The following ZRANB3 variants were observed in gnomAD, a reference collection of about 807,000 sequenced individuals.
ZRANB3 encodes the protein zinc finger RANBP2-type containing 3, also known as DNA annealing helicase and endonuclease ZRANB3.
ZRANB3 carries 125 observed loss-of-function variants against 133.8 expected under a neutral mutation model. The observed-to-expected ratio is 0.93, with a 90% CI of 0.81 to 1.08. The LOEUF is 1.08. ZRANB3 is among the 50% of genes least tolerant of loss of function. The pLI is 0.00. For synonymous variants in ZRANB3, 387 were observed against 432.7 expected, an observed-to-expected ratio of 0.89 and a Z score of 1.31; for missense variants, 1,229 against 1,275.5, an observed-to-expected ratio of 0.96 and a Z score of 0.56.
intron 3 of ZRANB3, among the ~76,000 whole-genome samples, chr2:135,354,283 T>TGGTTATTTCATTC (rs1685334521): frequency 1.3e-5 from 2 of 152,198 alleles, no homozygotes; most frequent in African/African-American, 4.8e-5. Context: ...ATTTCAAAAC[T>TGGTTATTTCATTC]AGAGTAAGTC....
intron 2 of ZRANB3, among the ~76,000 whole-genome samples, chr2:135,479,684 A>G (rs1691674196): frequency 6.6e-6 from 1 of 151,600 alleles, no homozygotes; most frequent in Admixed American, 6.6e-5. Flanking sequence ...AAAAAAGGAC[A>G]CCTATTGATA....
At chr2:135,342,770 T>G (rs1400937873) in intron 6 of ZRANB3, among the ~76,000 whole-genome samples, 1 of 149,330 alleles carries the variant, frequency 6.7e-6, no homozygotes, top group Non-Finnish European at 1.5e-5. Flanking sequence ...CATGTGGTAG[T>G]GCTTTGGGAT....
chr2:135,405,393 C>A (rs1342653958), intron 2 of ZRANB3, among the ~76,000 whole-genome samples: 1 of 152,278 alleles, frequency 6.6e-6, no homozygotes, highest in South Asian at 2.1e-4. Context: ...ATGCCACTGT[C>A]AACATTAGAC....
At chr2:135,526,462 C>T (rs1444667322) in intron 1 of ZRANB3, among the ~76,000 whole-genome samples, 1 of 152,112 alleles carries the variant, frequency 6.6e-6, no homozygotes, top group East Asian at 1.9e-4. Context: ...ATGAGCCCAA[C>T]CTGATTTTTT....
At chr2:135,358,768 A>G (rs772662651) in intron 3 of ZRANB3, among the ~76,000 whole-genome samples, 1 of 152,156 alleles carries the variant, frequency 6.6e-6, no homozygotes, top group Non-Finnish European at 1.5e-5. Flanking sequence ...GATAAAATAA[A>G]GAGTCTCACT....
intron 12 of ZRANB3, among the ~76,000 whole-genome samples, chr2:135,242,044 G>C (rs1441769009): frequency 6.6e-6 from 1 of 152,014 alleles, no homozygotes; most frequent in Non-Finnish European, 1.5e-5. Flanking sequence ...GCTGGGCATG[G>C]TGCGCACGCC....
chr2:135,223,013 G>A (rs980752411), intron 15 of ZRANB3, among the ~76,000 whole-genome samples: 1 of 152,038 alleles, frequency 6.6e-6, no homozygotes, highest in African/African-American at 2.4e-5. Context: ...CCGCACTTCG[G>A]GAGGCTGAGG....
intron 12 of ZRANB3, among the ~76,000 whole-genome samples, chr2:135,240,973 T>C (rs563985594): frequency 1.2e-4 from 19 of 152,342 alleles, no homozygotes; most frequent in Non-Finnish European, 2.4e-4. Flanking sequence ...TTGCTTTCTT[T>C]TAGGGCTTTT....
intron 2 of ZRANB3, among the ~76,000 whole-genome samples, chr2:135,503,337 G>A (rs79425091): frequency 2.0e-5 from 3 of 152,196 alleles, no homozygotes; most frequent in African/African-American, 4.8e-5. Flanking sequence ...AGATAAATAC[G>A]TGATAGACCA....
chr2:135,269,746 T>C (rs1248100112), intron 10 of ZRANB3, among the ~76,000 whole-genome samples: 1 of 152,154 alleles, frequency 6.6e-6, no homozygotes, highest in Non-Finnish European at 1.5e-5. Context: ...AATCAATATA[T>C]GAAATAATGC....
chr2:135,317,118 C>A (rs896455359), intron 6 of ZRANB3, among the ~76,000 whole-genome samples: 3 of 151,496 alleles, frequency 2.0e-5, no homozygotes, highest in African/African-American at 7.3e-5. Flanking sequence ...TTTAAAAAAT[C>A]TAAGTGCTGT....
intron 3 of ZRANB3, among the ~76,000 whole-genome samples, chr2:135,361,988 GA>G (rs1354622436): frequency 4.6e-5 from 7 of 152,052 alleles, no homozygotes; most frequent in Non-Finnish European, 4.4e-5. Flanking sequence ...CATGAGGTCA[GA>G]AGATGGAGAC....
At chr2:135,400,575 T>C (rs149392656) in intron 2 of ZRANB3, among the ~76,000 whole-genome samples, 124 of 152,344 alleles carry the variant, frequency 8.1e-4, no homozygotes, top group East Asian at 1.9e-3. Flanking sequence ...CTAGTCTTAA[T>C]AGAAAGGTCT....
chr2:135,476,106 T>C (rs1209730143), intron 2 of ZRANB3, among the ~76,000 whole-genome samples: 1 of 152,078 alleles, frequency 6.6e-6, no homozygotes, highest in African/African-American at 2.4e-5. Context: ...AAAATTAAAA[T>C]GTTTAGTGAG....
intron 2 of ZRANB3, among the ~76,000 whole-genome samples, chr2:135,428,300 C>T (rs560254627): frequency 6.8e-4 from 103 of 151,700 alleles, no homozygotes; most frequent in Non-Finnish European, 1.1e-3. Flanking sequence ...AAAAATTAGC[C>T]GGGCTTGGTA....
At chr2:135,482,865 T>C (rs1179518360) in intron 2 of ZRANB3, among the ~76,000 whole-genome samples, 2 of 152,118 alleles carry the variant, frequency 1.3e-5, no homozygotes, top group Admixed American at 1.3e-4. Context: ...TCTGCATCTA[T>C]TGAGATAATC....
intron 2 of ZRANB3, 157 bp downstream of exon 2, chr2:135,504,166 GAAGTAT>G (rs1179354813): frequency 3.9e-6 from 3 of 766,538 alleles, no homozygotes; most frequent in Non-Finnish European, 6.7e-6. Flanking sequence ...ATTTCAACAT[GAAGTAT>G]AAGTCAACCA....
intron 1 of ZRANB3, among the ~76,000 whole-genome samples, chr2:135,523,298 C>T (rs1694021460): frequency 6.6e-6 from 1 of 152,168 alleles, no homozygotes; most frequent in Non-Finnish European, 1.5e-5. Context: ...TCACCAAATC[C>T]AAGCCATCAT....
intron 12 of ZRANB3, among the ~76,000 whole-genome samples, chr2:135,253,697 G>T (rs778752868): frequency 2.2e-4 from 34 of 152,152 alleles, no homozygotes; most frequent in Non-Finnish European, 4.9e-4. Context: ...GTAATACATT[G>T]TGCTACCATG....
Sources: gnomAD v4.1 joint callset for allele counts (sites outside exome capture counted in the v4.1 genomes callset) on GRCh38, gnomAD v4.1.1 for gene constraint, MANE v1.5 for transcripts, NCBI Gene and HGNC (gene_info 2026-07-23, HGNC 2026-07-21) for gene names.